Variants in RBFOX1 observed in about 807,000 individuals in gnomAD.
RBFOX1 encodes RNA binding fox-1 homolog 1.
In RBFOX1, 8 loss-of-function variants were observed where a neutral mutation model predicts 57.7. The observed-to-expected ratio is 0.14, with a 90% confidence interval of 0.08 to 0.25. RBFOX1 has a LOEUF of 0.25. Among genes scored for constraint, RBFOX1 ranks in the 10% least tolerant of loss-of-function variants. The probability of loss-of-function intolerance (pLI) is 1.00; values close to 1 mark genes in which losing one functional copy is unlikely to be tolerated. For synonymous variants in RBFOX1, 326 were observed against 222.4 expected (o/e 1.47, Z -4.15); for missense variants, 611 against 548.5 (o/e 1.11, Z -1.14).
intron 2 of RBFOX1, among the ~76,000 whole-genome samples, chr16:5,577,989 G>A (rs547736775): frequency 6.6e-6 from 1 of 152,218 alleles, no homozygotes; most frequent in African/African-American, 2.4e-5. Context: ...GTCTCTCTCT[G>A]TTGCCAGGCT....
chr16:6,477,906 T>G (rs1037006269), intron 2 of RBFOX1, among the ~76,000 whole-genome samples: 1 of 152,172 alleles, frequency 6.6e-6, no homozygotes, highest in African/African-American at 2.4e-5. Flanking sequence ...TTACAGATAC[T>G]CCTCCTTGCC....
intron 3 of RBFOX1, among the ~76,000 whole-genome samples, chr16:6,877,822 C>A (rs907510980): frequency 6.6e-6 from 1 of 152,100 alleles, no homozygotes; most frequent in Non-Finnish European, 1.5e-5. Context: ...GAGAATAAGT[C>A]ATCTAACAGT....
Position 5,885,760 on chromosome 16 carries a change from T to C in RBFOX1, c.351+18425T>C, listed in dbSNP as rs2057882931. On this transcript the variant is annotated intron_variant, in intron 4 of 19. Transcript: ENST00000641259. ...GGAAGTGATTTTCTTACTTAGGCATTCATTGACAAACCTTCACTGGGCATC... is the reference window on the plus strand; with the variant it reads ...GGAAGTGATTTTCTTACTTAGGCATCCATTGACAAACCTTCACTGGGCATC... 2.0e-5 allele frequency among the ~76,000 whole-genome samples: 3 copies of C among 152,172 alleles called. No individual in the cohort carries two copies. In the East Asian group the frequency reaches 5.8e-4, roughly 29 times the overall value.
chr16:5,448,575 A>T (rs917450), intron 1 of RBFOX1, among the ~76,000 whole-genome samples: 99,121 of 151,956 alleles, frequency 0.65, 32,482 homozygotes, highest in African/African-American at 0.72. Context: ...TGGGGTGAAG[A>T]CCCCATGGAA....
intron 3 of RBFOX1, among the ~76,000 whole-genome samples, chr16:6,754,133 T>C (rs554382097): frequency 6.6e-6 from 1 of 152,324 alleles, no homozygotes; most frequent in South Asian, 2.1e-4. Flanking sequence ...TTTCACTTCA[T>C]ATTATGACAG....
intron 2 of RBFOX1, among the ~76,000 whole-genome samples, chr16:6,341,205 A>G (rs1482679536): frequency 1.3e-5 from 2 of 152,182 alleles, no homozygotes; most frequent in Non-Finnish European, 1.5e-5. Context: ...TGAACTCTCT[A>G]TGGGAAAGAA....
intron 3 of RBFOX1, among the ~76,000 whole-genome samples, chr16:6,860,502 C>T (rs146544716): frequency 1.3e-5 from 2 of 152,158 alleles, no homozygotes; most frequent in Admixed American, 6.5e-5. Flanking sequence ...TTGGCGCTCA[C>T]TTTAGTAACA....
intron 4 of RBFOX1, among the ~76,000 whole-genome samples, chr16:7,157,330 CAT>C (rs2077364090): frequency 6.6e-6 from 1 of 151,840 alleles, no homozygotes; most frequent in African/African-American, 2.4e-5. Context: ...TCACAGAAAA[CAT>C]GTGTAATATG....
chr16:6,281,906 C>T (rs2076414927), intron 1 of RBFOX1, among the ~76,000 whole-genome samples: 2 of 152,036 alleles, frequency 1.3e-5, no homozygotes, highest in African/African-American at 4.8e-5. Context: ...ACCCCACTGC[C>T]CGCCTGAGTT....
intron 1 of RBFOX1, among the ~76,000 whole-genome samples, chr16:6,218,179 A>C (rs2097348485): frequency 6.6e-6 from 1 of 152,188 alleles, no homozygotes; most frequent in South Asian, 2.1e-4. Flanking sequence ...TTTTCAGTAG[A>C]ATAATATTAA....
At chr16:6,736,047 C>A (rs12935160) in intron 3 of RBFOX1, among the ~76,000 whole-genome samples, 152,163 of 152,164 alleles carry the variant, frequency 1, 76,081 homozygotes, top group Middle Eastern at 1. Context: ...ATGGTTACCC[C>A]AATATTTTTC....
intron 1 of RBFOX1, among the ~76,000 whole-genome samples, chr16:5,259,789 T>C (rs1280063126): frequency 6.6e-6 from 1 of 152,176 alleles, no homozygotes; most frequent in African/African-American, 2.4e-5. Flanking sequence ...AAGCGTTTTG[T>C]GGGAAATGTT....
At chr16:5,281,116 G>A (rs1410489113) in intron 1 of RBFOX1, among the ~76,000 whole-genome samples, 1 of 151,902 alleles carries the variant, frequency 6.6e-6, no homozygotes, top group East Asian at 1.9e-4. Flanking sequence ...TGTGCCATAG[G>A]TTTTGCATGA....
At chr16:7,172,904 A>G (rs545233265) in intron 4 of RBFOX1, among the ~76,000 whole-genome samples, 1 of 152,312 alleles carries the variant, frequency 6.6e-6, no homozygotes, top group East Asian at 1.9e-4. Context: ...GAGATTCCCA[A>G]GGAAGAGACT....
At chr16:7,319,474 T>C (rs1241440440) in intron 4 of RBFOX1, among the ~76,000 whole-genome samples, 1 of 152,186 alleles carries the variant, frequency 6.6e-6, no homozygotes, top group African/African-American at 2.4e-5. Flanking sequence ...TGATTTCAGG[T>C]CAGTGTTTGT....
chr16:6,594,635 A>T (rs962462431), intron 2 of RBFOX1, among the ~76,000 whole-genome samples: 1 of 152,176 alleles, frequency 6.6e-6, no homozygotes, highest in Non-Finnish European at 1.5e-5. Context: ...AGGACCCTAA[A>T]TAAGTATGTT....
intron 3 of RBFOX1, among the ~76,000 whole-genome samples, chr16:5,650,887 A>G (rs2049213362): frequency 1.3e-5 from 2 of 150,596 alleles, no homozygotes; most frequent in South Asian, 4.2e-4. Flanking sequence ...CACAGGGAAC[A>G]CCTTCCTGTC....
intron 3 of RBFOX1, among the ~76,000 whole-genome samples, chr16:6,777,885 A>G (rs2079647782): frequency 6.6e-6 from 1 of 152,188 alleles, no homozygotes; most frequent in South Asian, 2.1e-4. Flanking sequence ...CCCAAAGCTG[A>G]CTTCCATCCA....
intron 2 of RBFOX1, among the ~76,000 whole-genome samples, chr16:6,613,512 A>C (rs931417929): frequency 1.3e-5 from 2 of 152,138 alleles, no homozygotes; most frequent in Non-Finnish European, 2.9e-5. Context: ...CATCACTTAC[A>C]TGCAAGGACA....
Sources: allele counts gnomAD v4.1 joint callset (sites outside exome capture counted in the v4.1 genomes callset), GRCh38; gene constraint gnomAD v4.1.1; transcripts MANE v1.5; gene names NCBI Gene and HGNC (gene_info 2026-07-23, HGNC 2026-07-21).